The following COLEC10 variants were observed in gnomAD, a reference collection of about 807,000 sequenced individuals.
The protein encoded by COLEC10 is collectin subfamily member 10, also known as collectin-10.
Under a neutral mutation model 28.4 loss-of-function variants are expected in COLEC10, and 22 were observed. That is an observed-to-expected ratio of 0.78 (90% CI 0.55 to 1.11). The LOEUF (loss-of-function observed/expected upper bound fraction) is 1.11. COLEC10 is among the 50% of genes least tolerant of loss of function. The pLI is 0.00. For missense variants in COLEC10, 361 were observed against 344.1 expected (o/e 1.05, Z -0.39); for synonymous variants, 125 against 116.1 (o/e 1.08, Z -0.49).
intron 1 of COLEC10, among the ~76,000 whole-genome samples, chr8:118,997,386 C>T (rs1813607223): frequency 6.6e-6 from 1 of 152,114 alleles, no homozygotes; most frequent in African/African-American, 2.4e-5. Flanking sequence ...ATTTTCAAGA[C>T]CAATGTTTTG....
intron 2 of COLEC10, among the ~76,000 whole-genome samples, chr8:119,031,583 T>C (rs1814289063): frequency 6.6e-6 from 1 of 152,192 alleles, no homozygotes; most frequent in South Asian, 2.1e-4. Context: ...TAGTGAATTG[T>C]GATGCTGATG....
chr8:119,091,567 GAAAGAA>G lies in COLEC10; in HGVS notation c.292+349_292+354del, dbSNP rs1370016755. On this transcript the variant is annotated intron_variant, in intron 3 of 5. Transcript: ENST00000332843. ...AAGACCCTGTCTCGAAAGAAAGAAA[GAAAGAA>G]AGAGAGAGAGAGAGAGAGAGAGAGA... Among the ~76,000 whole-genome samples, 26 of 130,708 alleles carry G rather than the reference GAAAGAA, an allele frequency of 2.0e-4. 1 individual carries two copies. Among genetic ancestry groups the G allele is most frequent in the African/African-American group, 7.7e-4 (26 of 33,888 alleles). 85.7% of individuals were successfully genotyped at this position (130,708 alleles called of 152,430 possible).
At chr8:119,047,784 T>C (rs1238426728) in intron 2 of COLEC10, among the ~76,000 whole-genome samples, 2 of 90,262 alleles carry the variant, frequency 2.2e-5, no homozygotes, top group Admixed American at 1.9e-4. Context: ...AACAGGCTTA[T>C]CTCAGTTGTT....
chr8:119,104,045 T>C (rs1815891852), intron 5 of COLEC10, 150 bp downstream of exon 5: 1 of 600,940 alleles, frequency 1.7e-6, no homozygotes, highest in Non-Finnish European at 3.0e-6. Flanking sequence ...TTGCTAATTA[T>C]CCACTAAGAC....
chr8:119,033,068 C>T (rs1814320761), intron 2 of COLEC10, among the ~76,000 whole-genome samples: 1 of 152,078 alleles, frequency 6.6e-6, no homozygotes, highest in African/African-American at 2.4e-5. Flanking sequence ...GAAAGCCTTT[C>T]TAAGTAAAGA....
intron 2 of COLEC10, 136 bp downstream of exon 2, chr8:119,089,887 A>T: frequency 1.5e-6 from 1 of 662,692 alleles, no homozygotes; most frequent in Non-Finnish European, 2.7e-6. Flanking sequence ...TCACACATGA[A>T]TTAACTCGCC....
chr8:119,020,255 T>C (rs1269832905), intron 2 of COLEC10, among the ~76,000 whole-genome samples: 1 of 152,128 alleles, frequency 6.6e-6, no homozygotes, highest in East Asian at 1.9e-4. Context: ...TTTGCTGAAA[T>C]GATTGAAATG....
intron 2 of COLEC10, among the ~76,000 whole-genome samples, chr8:119,020,334 G>A (rs1331804388): frequency 6.6e-6 from 1 of 152,090 alleles, no homozygotes; most frequent in Non-Finnish European, 1.5e-5. Context: ...GAGCCCAACT[G>A]TTTACCAGGT....
At chr8:119,103,946 C>A in intron 5 of COLEC10, 51 bp downstream of exon 5, 1 of 1,148,338 alleles carries the variant, frequency 8.7e-7, no homozygotes, top group Non-Finnish European at 1.3e-6. Context: ...TCTCCATCAA[C>A]ACTACAATTC....
chr8:119,050,193 G>A (rs1442116997), intron 2 of COLEC10, among the ~76,000 whole-genome samples: 3 of 148,194 alleles, frequency 2.0e-5, no homozygotes, highest in South Asian at 4.2e-4. Flanking sequence ...TGAGATTATC[G>A]AAGATAAAGC....
chr8:118,978,819 C>T, the COLEC10 span, among the ~76,000 whole-genome samples: 8 of 152,108 alleles, frequency 5.3e-5, no homozygotes, highest in Middle Eastern at 6.8e-3. Context: ...TTGCCATATG[C>T]TTATAAATAC....
intron 3 of COLEC10, among the ~76,000 whole-genome samples, chr8:119,101,804 T>C (rs1815833555): frequency 6.6e-6 from 1 of 152,144 alleles, no homozygotes; most frequent in African/African-American, 2.4e-5. Flanking sequence ...TTTTTTTGTT[T>C]TGTTTTGTTT....
the COLEC10 span, among the ~76,000 whole-genome samples, chr8:118,961,443 G>C: frequency 1.3e-5 from 2 of 152,194 alleles, no homozygotes; most frequent in Non-Finnish European, 2.9e-5. Context: ...AAAGCTGTGG[G>C]TGGGTGCCAA....
intron 2 of COLEC10, among the ~76,000 whole-genome samples, chr8:119,044,465 A>T (rs1028037163): frequency 6.6e-6 from 1 of 152,186 alleles, no homozygotes; most frequent in Non-Finnish European, 1.5e-5. Context: ...TTCAATAAGA[A>T]TTGTGGCTCT....
At chr8:119,024,930 C>A (rs1247239225) in intron 2 of COLEC10, among the ~76,000 whole-genome samples, 3 of 151,970 alleles carry the variant, frequency 2.0e-5, no homozygotes, top group African/African-American at 7.2e-5. Flanking sequence ...TTTTTTTAAA[C>A]CAGAAGAGAT....
At chr8:119,093,378 G>T (rs572154620) in intron 3 of COLEC10, among the ~76,000 whole-genome samples, 1 of 152,170 alleles carries the variant, frequency 6.6e-6, no homozygotes, top group South Asian at 2.1e-4. Flanking sequence ...AAGAGAAATT[G>T]CTATGGGTGT....
chr8:118,953,816 A>G, the COLEC10 span, among the ~76,000 whole-genome samples: 1 of 152,088 alleles, frequency 6.6e-6, no homozygotes, highest in Admixed American at 6.6e-5. Context: ...TTGAGCCCCA[A>G]CTCCAATTTT....
At chr8:119,098,616 T>C (rs950439285) in intron 3 of COLEC10, among the ~76,000 whole-genome samples, 3 of 152,134 alleles carry the variant, frequency 2.0e-5, no homozygotes, top group Admixed American at 2.0e-4. Flanking sequence ...ATGCCTATTA[T>C]ATATTATAGA....
chr8:118,962,496 T>C, the COLEC10 span, among the ~76,000 whole-genome samples: 1 of 152,224 alleles, frequency 6.6e-6, no homozygotes, highest in Non-Finnish European at 1.5e-5. Flanking sequence ...GCTGTTCAAT[T>C]TGATGACTTT....
Sources: allele counts gnomAD v4.1 joint callset (sites outside exome capture counted in the v4.1 genomes callset), GRCh38; gene constraint gnomAD v4.1.1; transcripts MANE v1.5; gene names NCBI Gene and HGNC (gene_info 2026-07-23, HGNC 2026-07-21).